PRDM16: variants seen among roughly 807,000 people sequenced by gnomAD.
The protein encoded by PRDM16 is histone-lysine N-methyltransferase PRDM16.
A neutral mutation model predicts 110.6 loss-of-function variants in PRDM16; 23 were observed. The observed-to-expected ratio is 0.21, with a 90% CI of 0.15 to 0.29. The LOEUF (loss-of-function observed/expected upper bound fraction) is 0.29. Ranked by LOEUF, PRDM16 falls within the 10% of genes least tolerant of loss-of-function variation. The pLI is 1.00. For missense variants in PRDM16, 1,615 were observed against 1,794.3 expected, an observed-to-expected ratio of 0.90 and a Z score of 1.81; for synonymous variants, 799 against 781.8, an observed-to-expected ratio of 1.02 and a Z score of -0.37.
At chr1:3,289,208 A>G (rs765145437) in intron 3 of PRDM16, among the ~76,000 whole-genome samples, 1 of 152,212 alleles carries the variant, frequency 6.6e-6, no homozygotes, top group Non-Finnish European at 1.5e-5. Flanking sequence ...AAGGCCCCTG[A>G]TAAGGTCACA....
intron 2 of PRDM16, among the ~76,000 whole-genome samples, chr1:3,202,655 T>A (rs1638658969): frequency 6.6e-6 from 1 of 152,244 alleles, no homozygotes; most frequent in South Asian, 2.1e-4. Context: ...TTCCTCCTTT[T>A]CAACCTCAGT....
rs924904999 is a variant in PRDM16, at chr1:3,190,650, G to A, written c.387+4176G>A. Among the ~76,000 whole-genome samples the A allele has an allele frequency of 5.3e-5, 8 of 152,190 alleles. No individual in the cohort carries two copies. The highest frequency in any genetic ancestry group is 1.7e-4 in the African/African-American group (7 of 41,530). ...AGGGGGCTTGTCAGGAAGTGCACCC[G>A]AAATTCCTGGCCTCCTCCATCTGGA... On this transcript the variant is annotated intron_variant, in intron 2 of 16. Coordinates refer to ENST00000270722, the MANE Select transcript of PRDM16 (RefSeq NM_022114.4). This position sits in a 1 kb window ranked among gnomAD's most constrained non-coding sequence, Gnocchi z 5.0.
rs1557489897 is a variant in PRDM16, at chr1:3,157,420, ATT to A, written c.38-28704_38-28703del. 9.0e-6 allele frequency among the ~76,000 whole-genome samples: 1 copy of A among 111,712 alleles called. No individual in the cohort carries two copies. Among genetic ancestry groups the A allele is most frequent in the Non-Finnish European group, 1.7e-5 (1 of 58,638 alleles). 73.3% of individuals were successfully genotyped at this position (111,712 alleles called of 152,430 possible). ...AGGCTCCCAGGCCTTTTGCGATCCCATTAAAAAAAAAAAAAAAAAAAACACCT... is the reference window on the plus strand; with the variant it reads ...AGGCTCCCAGGCCTTTTGCGATCCCAAAAAAAAAAAAAAAAAAAAACACCT... On this transcript the variant is annotated intron_variant, in intron 1 of 16. Transcript: ENST00000270722. The surrounding 1 kb of genome is among the most constrained non-coding windows in gnomAD (Gnocchi z 4.8).
chr1:3,247,468 G>A (rs1639813591), intron 3 of PRDM16, among the ~76,000 whole-genome samples: 1 of 152,166 alleles, frequency 6.6e-6, no homozygotes, highest in Non-Finnish European at 1.5e-5. Flanking sequence ...CTGTGGCGCG[G>A]GGCCTGGCTC....
intron 3 of PRDM16, among the ~76,000 whole-genome samples, chr1:3,335,040 A>T (rs955764649): frequency 2.0e-5 from 3 of 152,222 alleles, no homozygotes; most frequent in Non-Finnish European, 4.4e-5. Flanking sequence ...TCAAGGGCAC[A>T]GCCAGAGAGG....
chr1:3,140,787 TCCCGC>T (rs1005512398), intron 1 of PRDM16, among the ~76,000 whole-genome samples: 13 of 152,058 alleles, frequency 8.5e-5, no homozygotes, highest in African/African-American at 2.9e-4. Context: ...CCATGAGGGG[TCCCGC>T]CTCCGTTTCC....
Position 3,371,523 on chromosome 1 carries a change from C to T in PRDM16, c.439-13629C>T, listed in dbSNP as rs183301195. Reference sequence around the variant, plus strand: ...ATCCACCCACTCACCCACCCATCCACCATCTATCCATCCATCCACCCACCC... The same window carrying T: ...ATCCACCCACTCACCCACCCATCCATCATCTATCCATCCATCCACCCACCC... On this transcript the variant is annotated intron_variant, in intron 3 of 16. Transcript: ENST00000270722. 3.1e-3 allele frequency among the ~76,000 whole-genome samples: 469 copies of T among 149,848 alleles called. 1 individual carries two copies. The highest frequency in any genetic ancestry group is 6.7e-3 in the Admixed American group (101 of 15,102).
intron 1 of PRDM16, among the ~76,000 whole-genome samples, chr1:3,074,225 G>A (rs542667401): frequency 6.6e-6 from 1 of 152,194 alleles, no homozygotes; most frequent in Non-Finnish European, 1.5e-5. Flanking sequence ...GAGTGCAGGC[G>A]AGCAGGCACC....
In PRDM16 at chr1:3,339,945, G is replaced by A. The variant is rs1642238672; in HGVS notation, c.439-45207G>A. Among the ~76,000 whole-genome samples, 1 of 152,190 alleles carries A rather than the reference G, an allele frequency of 6.6e-6. No homozygotes were observed. Among genetic ancestry groups the A allele is most frequent in the African/African-American group, 2.4e-5 (1 of 41,446 alleles). ...GCCACCAGGCAAGTGGGGCTGGGGGGAACAGGTGTGCCATCCCCCGAGCGT... is the reference window on the plus strand; with the variant it reads ...GCCACCAGGCAAGTGGGGCTGGGGGAAACAGGTGTGCCATCCCCCGAGCGT... On this transcript the variant is annotated intron_variant, in intron 3 of 16. Coordinates refer to ENST00000270722, the MANE Select transcript of PRDM16 (RefSeq NM_022114.4). The surrounding 1 kb of genome is among the most constrained non-coding windows in gnomAD (Gnocchi z 5.0).
intron 1 of PRDM16, among the ~76,000 whole-genome samples, chr1:3,123,113 G>A (rs1046458160): frequency 3.3e-5 from 5 of 152,192 alleles, no homozygotes; most frequent in East Asian, 1.9e-4. Flanking sequence ...TTGCTGTGTC[G>A]GCTGTGTGCT....
intron 1 of PRDM16, among the ~76,000 whole-genome samples, chr1:3,087,800 C>T (rs1021075029): frequency 2.0e-5 from 3 of 152,092 alleles, no homozygotes; most frequent in Non-Finnish European, 4.4e-5. Context: ...TTTTTCACCA[C>T]CTTGAGATGC....
intron 1 of PRDM16, among the ~76,000 whole-genome samples, chr1:3,130,216 G>A (rs1643305000): frequency 6.6e-6 from 1 of 152,228 alleles, no homozygotes. Context: ...GGACCAGCCA[G>A]ACCTGGAGGC....
intron 1 of PRDM16, among the ~76,000 whole-genome samples, chr1:3,147,939 C>T (rs551656851): frequency 1.3e-5 from 2 of 152,198 alleles, no homozygotes; most frequent in Non-Finnish European, 2.9e-5. Context: ...CCCCTCACTG[C>T]GCTGACAGTC....
chr1:3,301,918 C>T (rs1353431387), intron 3 of PRDM16, among the ~76,000 whole-genome samples: 4 of 152,160 alleles, frequency 2.6e-5, no homozygotes, highest in South Asian at 2.1e-4. Context: ...ATCCATCTGG[C>T]GCGTGTTGGT....
At chr1:3,188,518 G>A (rs2817136) in intron 2 of PRDM16, among the ~76,000 whole-genome samples, 112,990 of 152,112 alleles carry the variant, frequency 0.74, 42,384 homozygotes, top group Middle Eastern at 0.82. Flanking sequence ...CTCTCCTCAC[G>A]GCGCACCTCC....
At chr1:3,216,720 GAGTCT>G (rs1639038521) in intron 2 of PRDM16, among the ~76,000 whole-genome samples, 1 of 152,256 alleles carries the variant, frequency 6.6e-6, no homozygotes, top group African/African-American at 2.4e-5. Flanking sequence ...CGAAATCAGA[GAGTCT>G]AGGCCCATGC....
chr1:3,275,440 C>A (rs546103997), intron 3 of PRDM16, among the ~76,000 whole-genome samples: 1 of 152,322 alleles, frequency 6.6e-6, no homozygotes, highest in South Asian at 2.1e-4. Context: ...GCAGGACACC[C>A]CCAAGATGAA....
intron 3 of PRDM16, among the ~76,000 whole-genome samples, chr1:3,335,845 C>G (rs539397099): frequency 3.3e-4 from 51 of 152,264 alleles, no homozygotes; most frequent in African/African-American, 9.6e-4. Flanking sequence ...CACAGGAGGC[C>G]CGGGGGCCAA....
intron 1 of PRDM16, among the ~76,000 whole-genome samples, chr1:3,150,429 C>T (rs1054832124): frequency 3.3e-5 from 5 of 151,696 alleles, no homozygotes; most frequent in East Asian, 1.9e-4. Context: ...CGTGGTGGCC[C>T]GTGCCTGTAG....
Sources: allele counts gnomAD v4.1 joint callset (sites outside exome capture counted in the v4.1 genomes callset), GRCh38; gene constraint gnomAD v4.1.1; non-coding constraint Gnocchi (gnomAD v3.1); transcripts MANE v1.5; gene names NCBI Gene and HGNC (gene_info 2026-07-23, HGNC 2026-07-21).